ARHGAP17: variants seen among roughly 807,000 people sequenced by gnomAD.
ARHGAP17 encodes rho GTPase-activating protein 17.
Under a neutral mutation model 99.5 loss-of-function variants are expected in ARHGAP17, and 57 were observed. That is an observed-to-expected ratio of 0.57 (90% CI 0.46 to 0.71). The LOEUF is 0.71. ARHGAP17 is among the 30% of genes least tolerant of loss of function. ARHGAP17 has a pLI of 0.00. For missense variants in ARHGAP17, 1,000 were observed against 1,122.4 expected, an observed-to-expected ratio of 0.89 and a Z score of 1.56; for synonymous variants, 417 against 429.6, an observed-to-expected ratio of 0.97 and a Z score of 0.36.
intron 1 of ARHGAP17, among the ~76,000 whole-genome samples, chr16:24,998,105 G>A (rs11648583): frequency 0.018 from 2,721 of 152,112 alleles, 37 homozygotes; most frequent in Non-Finnish European, 0.028. Flanking sequence ...GAAGCCAGGA[G>A]CGAGGTGCGG....
intron 1 of ARHGAP17, among the ~76,000 whole-genome samples, chr16:24,995,646 G>A (rs1002650949): frequency 5.3e-5 from 8 of 152,180 alleles, no homozygotes; most frequent in Non-Finnish European, 1.0e-4. Context: ...CACCAGGGTG[G>A]GCAGGAGAGC....
rs983357431 is a variant in ARHGAP17, at chr16:24,925,794, C to A, written c.2515+4990G>T. ...ATGTCAAATAATTATGCTCATGTAC[C>A]TCCTTGCCTTCTAGAAAAACTAAAA... On this transcript the variant is annotated intron_variant, in intron 19 of 19. Transcript: ENST00000289968. 2.6e-5 allele frequency among the ~76,000 whole-genome samples: 4 copies of A among 152,032 alleles called. No individual in the cohort carries two copies. The South Asian group carries it at 6.2e-4, about 24-fold the overall frequency.
chr16:24,970,117 C>T (rs2052316398), intron 4 of ARHGAP17, among the ~76,000 whole-genome samples: 1 of 151,434 alleles, frequency 6.6e-6, no homozygotes, highest in Admixed American at 6.6e-5. Flanking sequence ...CTACCATGGA[C>T]GTTTTGGTGA....
At chr16:24,973,541 G>A (rs1478340539) in intron 3 of ARHGAP17, among the ~76,000 whole-genome samples, 1 of 152,168 alleles carries the variant, frequency 6.6e-6, no homozygotes, top group African/African-American at 2.4e-5. Context: ...TCAGAAATGA[G>A]GGCCAAGCAC....
rs751562702 is a variant in ARHGAP17 at position 24,959,736 on chromosome 16, G to A, written c.659C>T (p.Ala220Val). 5 of 1,614,072 alleles carry A rather than the reference G, an allele frequency of 3.1e-6. No homozygotes were observed. Among genetic ancestry groups the A allele is most frequent in the Non-Finnish European group, 2.5e-6 (3 of 1,180,024 alleles). ...KFFVTLLEAQ[A>V]DYHRKALAVL... ...TGCTAATGCTTTTCTATGGTAATCT[G>A]CTTGGGCTTCTAATAACTGAGAACA... Residue 220 changes from alanine to valine, a missense_variant, in exon 9 of 20, where the codon GCA becomes GTA. By Grantham distance (64) the Ala-to-Val change is moderately conservative (BLOSUM62 0). This residue lies in a region of ARHGAP17 where 472 missense variants were observed against 611.1 expected (regional missense o/e 0.77). Transcript: ENST00000289968.
chr16:25,009,753 G>A (rs1230802526), intron 1 of ARHGAP17, among the ~76,000 whole-genome samples: 10 of 152,096 alleles, frequency 6.6e-5, no homozygotes, highest in South Asian at 2.1e-4. Context: ...TTGGGTCCAC[G>A]GCTCTGTCTC....
intron 1 of ARHGAP17, among the ~76,000 whole-genome samples, chr16:24,992,822 A>G (rs910184366): frequency 6.6e-6 from 1 of 152,230 alleles, no homozygotes; most frequent in Non-Finnish European, 1.5e-5. Context: ...TTTATTTTTT[A>G]GAGATGGGGT....
At position 24,957,894 on chromosome 16, in the gene ARHGAP17, G is replaced by A. The variant is rs548525905; in HGVS notation, c.724+1777C>T. On this transcript the variant is annotated intron_variant, in intron 9 of 19. Transcript: ENST00000289968. ...ACACCAGAGTCCACGGAGGTGAGGG[G>A]GCTGTGGGGGCAGGTCACACTTTTT... 5.9e-5 allele frequency among the ~76,000 whole-genome samples: 9 copies of A among 152,260 alleles called. No individual in the cohort carries two copies. The South Asian group carries it at 1.9e-3, about 32-fold the overall frequency.
chr16:24,957,182 A>C (rs1184607963), intron 9 of ARHGAP17: 2 of 152,334 alleles, frequency 1.3e-5, no homozygotes, highest in Non-Finnish European at 2.9e-5. Context: ...CAAGGTTAAG[A>C]CCTGAATCAC....
At chr16:25,009,724 C>T (rs1333301879) in intron 1 of ARHGAP17, among the ~76,000 whole-genome samples, 2 of 152,054 alleles carry the variant, frequency 1.3e-5, no homozygotes, top group Non-Finnish European at 2.9e-5. Context: ...ATAGCTGCTG[C>T]AGAATCAGAA....
chr16:24,964,561 C>A (rs1034780117), intron 6 of ARHGAP17, among the ~76,000 whole-genome samples: 1 of 152,212 alleles, frequency 6.6e-6, no homozygotes, highest in African/African-American at 2.4e-5. Flanking sequence ...TAACCAACCA[C>A]ATCTTGTCTC....
chr16:24,983,014 T>A lies in ARHGAP17; in HGVS notation c.54-4009A>T, dbSNP rs1158379994. On this transcript the variant is annotated intron_variant, in intron 1 of 19. Transcript: ENST00000289968. ...TATATATATTTTTTTTTTTTTTTTT[T>A]TTTTTTTTGAGACAGGGTCTCGTTC... Among the ~76,000 whole-genome samples, 44 of 100,910 alleles carry A rather than the reference T, an allele frequency of 4.4e-4. 1 individual carries two copies. The highest frequency in any genetic ancestry group is 7.8e-4 in the Admixed American group (8 of 10,306). 66.2% of individuals were successfully genotyped at this position (100,910 alleles called of 152,430 possible).
intron 1 of ARHGAP17, among the ~76,000 whole-genome samples, chr16:24,981,010 T>A (rs1597447878): frequency 6.6e-6 from 1 of 152,214 alleles, no homozygotes. Flanking sequence ...AATTATTTTT[T>A]AAAAAATAAC....
chr16:25,002,158 T>TA (rs1218345603), intron 1 of ARHGAP17, among the ~76,000 whole-genome samples: 1 of 151,136 alleles, frequency 6.6e-6, no homozygotes, highest in Non-Finnish European at 1.5e-5. Flanking sequence ...GAAAGCCCAA[T>TA]AAAAGGTCAA....
At chr16:24,946,394 T>C (rs2051474105) in intron 14 of ARHGAP17, among the ~76,000 whole-genome samples, 1 of 151,784 alleles carries the variant, frequency 6.6e-6, no homozygotes, top group African/African-American at 2.4e-5. Flanking sequence ...ATCCAGGTCC[T>C]GGCTGTACGA....
intron 19 of ARHGAP17, among the ~76,000 whole-genome samples, chr16:24,921,824 C>T (rs904791169): frequency 6.6e-6 from 1 of 152,204 alleles, no homozygotes; most frequent in East Asian, 1.9e-4. Flanking sequence ...AAACCAATGA[C>T]ACTGTGCAGA....
chr16:24,984,508 A>C (rs900622473), intron 1 of ARHGAP17, among the ~76,000 whole-genome samples: 1 of 152,004 alleles, frequency 6.6e-6, no homozygotes, highest in Non-Finnish European at 1.5e-5. Flanking sequence ...CAAAAAAAAA[A>C]TTAGCCAGGC....
intron 1 of ARHGAP17, among the ~76,000 whole-genome samples, chr16:25,002,560 G>A (rs868491474): frequency 1.3e-5 from 2 of 152,092 alleles, no homozygotes; most frequent in Admixed American, 6.6e-5. Context: ...CCTAAAACTG[G>A]AACAGAAGCT....
intron 3 of ARHGAP17, among the ~76,000 whole-genome samples, chr16:24,973,123 C>T (rs940054561): frequency 6.6e-6 from 1 of 152,112 alleles, no homozygotes; most frequent in African/African-American, 2.4e-5. Flanking sequence ...GAGTGCAGCA[C>T]CATGCCTGGC....
Sources: allele counts gnomAD v4.1 joint callset (sites outside exome capture counted in the v4.1 genomes callset), GRCh38; gene constraint gnomAD v4.1.1; regional missense constraint gnomAD v4.1.1; transcripts MANE v1.5; gene names NCBI Gene and HGNC (gene_info 2026-07-23, HGNC 2026-07-21).